The following VSTM1 variants were observed in gnomAD, a reference collection of about 807,000 sequenced individuals.
VSTM1 encodes the protein V-set and transmembrane domain-containing protein 1.
In VSTM1, 27 loss-of-function variants were observed where a neutral mutation model predicts 33.1. The observed-to-expected ratio is 0.82, with a 90% CI of 0.60 to 1.12. VSTM1 has a LOEUF of 1.12. Among genes scored for constraint, VSTM1 ranks in the 50% most tolerant of loss-of-function variants. VSTM1 has a pLI of 0.00. For missense variants in VSTM1, 304 were observed against 288.9 expected (o/e 1.05, Z -0.38); for synonymous variants, 115 against 110.3 (o/e 1.04, Z -0.27).
chr19:54,053,350 TA>T (rs1183896121), intron 3 of VSTM1, among the ~76,000 whole-genome samples: 2 of 142,358 alleles, frequency 1.4e-5, no homozygotes, highest in African/African-American at 2.6e-5. Flanking sequence ...TGCCTTTGTC[TA>T]ATCCCCTCAC....
chr19:54,042,837 T>TATATATATATATACAC (rs1320221580), intron 4 of VSTM1, among the ~76,000 whole-genome samples: 1 of 66,426 alleles, frequency 1.5e-5, no homozygotes, highest in Non-Finnish European at 3.1e-5. Context: ...TATATATATA[T>TATATATATATATACAC]ACATATATAT....
rs2146029934 is a variant in VSTM1 at position 54,042,316 on chromosome 19, A to G, written c.448T>C (p.Phe150Leu). 1 of 1,613,940 alleles carries G rather than the reference A, an allele frequency of 6.2e-7. No homozygotes were observed. Among genetic ancestry groups the G allele is most frequent in the East Asian group, 2.2e-5 (1 of 44,854 alleles). The change falls in exon 5 of 9, where the codon TTC becomes CTC. Residue 150 changes from phenylalanine (F) to leucine (L), a missense_variant. Coordinates refer to ENST00000338372, the MANE Select transcript of VSTM1 (RefSeq NM_198481.4). ...IFSCISILLL[F>L]LSVFIIYRCS... ...CTGTAGATGATGAAGACTGAGAGGA[A>G]GAGGAGAAGGATGGAGATGCAGCTG...
At chr19:54,042,806 GTATATATATATATATA>G (rs1203522841) in intron 4 of VSTM1, among the ~76,000 whole-genome samples, 17 of 57,938 alleles carry the variant, frequency 2.9e-4, no homozygotes, top group African/African-American at 4.1e-4. Flanking sequence ...ATATAAATGT[GTATATATATATATATA>G]TATATATATA....
intron 1 of VSTM1, 27 bp downstream of exon 1, chr19:54,063,717 C>A (rs750806194): frequency 9.3e-6 from 15 of 1,613,256 alleles, no homozygotes; most frequent in Non-Finnish European, 1.3e-5. Context: ...CAGCCCAAGC[C>A]CATTCGTCCC....
chr19:54,059,680 C>T (rs1303609182), intron 1 of VSTM1, among the ~76,000 whole-genome samples: 2 of 148,480 alleles, frequency 1.3e-5, no homozygotes, highest in Non-Finnish European at 3.0e-5. Flanking sequence ...CACCATGTTG[C>T]CCAGGCTGGT....
intron 1 of VSTM1, among the ~76,000 whole-genome samples, chr19:54,061,016 C>CT (rs10693760): frequency 0.027 from 3,126 of 115,026 alleles, 121 homozygotes; most frequent in African/African-American, 0.032. Context: ...TTTTTCTTTT[C>CT]TTTTTTTTTT....
Position 54,048,044 on chromosome 19 carries a change from G to A in VSTM1, c.394+3366C>T, listed in dbSNP as rs533237764. Among the ~76,000 whole-genome samples, 117 of 152,254 alleles carry A rather than the reference G, an allele frequency of 7.7e-4. No homozygotes were observed. The Middle Eastern group carries it at 0.014, about 18-fold the overall frequency. The stretch of plus-strand genomic sequence containing the variant: ...CTACATTGCGATTGAACATAGAGTC[G>A]TTTTCTAGTGTGTTTTAGGCATATA... On this transcript the variant is annotated intron_variant, in intron 4 of 8. Transcript: ENST00000338372.
rs911876758 is a variant in VSTM1 at position 54,054,336 on chromosome 19, C to T, written c.356-2888G>A. Reference sequence around the variant, plus strand: ...GCAGAAATTCTTAAGACTACAAGAACGAGTTATGGGGAATACAATTTGAAA... The same window carrying T: ...GCAGAAATTCTTAAGACTACAAGAATGAGTTATGGGGAATACAATTTGAAA... On this transcript the variant is annotated intron_variant, in intron 3 of 8. Coordinates refer to ENST00000338372, the MANE Select transcript of VSTM1 (RefSeq NM_198481.4). Among the ~76,000 whole-genome samples the T allele has an allele frequency of 2.8e-5, 4 of 142,136 alleles. 1 individual carries two copies. The East Asian group carries it at 7.9e-4, about 28-fold the overall frequency. The allele number at this position is 142,136 out of a possible 152,430, so 93.2% of individuals were successfully genotyped here.
At chr19:54,048,041 G>A (rs1420995101) in intron 4 of VSTM1, among the ~76,000 whole-genome samples, 1 of 152,190 alleles carries the variant, frequency 6.6e-6, no homozygotes, top group Non-Finnish European at 1.5e-5. Context: ...TGAACATAGA[G>A]TCGTTTTCTA....
chr19:54,061,894 G>A (rs1250529892), intron 1 of VSTM1, among the ~76,000 whole-genome samples: 3 of 152,082 alleles, frequency 2.0e-5, no homozygotes, highest in East Asian at 1.9e-4. Context: ...GCTGGCTCAC[G>A]CCTGTAATCT....
In VSTM1 at chr19:54,056,684, A is replaced by G. The variant is rs1455965165; in HGVS notation, c.355+1622T>C. ...GTAACAGACCATCTTTTCCATGGCA[A>G]TCATCACTTGGTCTGTCAGTCTTAC... On this transcript the variant is annotated intron_variant, in intron 3 of 8. Coordinates refer to ENST00000338372, the MANE Select transcript of VSTM1 (RefSeq NM_198481.4). 1.4e-5 allele frequency among the ~76,000 whole-genome samples: 2 copies of G among 139,530 alleles called. 1 individual carries two copies. The highest frequency in any genetic ancestry group is 3.1e-5 in the Non-Finnish European group (2 of 63,604). The allele number at this position is 139,530 out of a possible 152,430, so 91.5% of individuals were successfully genotyped here.
chr19:54,046,049 G>C (rs1269352432), intron 4 of VSTM1, among the ~76,000 whole-genome samples: 2 of 151,526 alleles, frequency 1.3e-5, no homozygotes, highest in Non-Finnish European at 2.9e-5. Context: ...CTAACCTGTT[G>C]TATCTAGTTA....
Position 54,041,509 on chromosome 19 carries a change from A to G in VSTM1, c.591+270T>C, listed in dbSNP as rs1459472988. 3.9e-5 allele frequency among the ~76,000 whole-genome samples: 6 copies of G among 151,970 alleles called. No individual in the cohort carries two copies. In the South Asian group the frequency reaches 6.2e-4, roughly 16 times the overall value. Reference sequence around the variant, plus strand: ...GTAGAGATGGGGTTTCACCATGTTAACCAGGATGGTCTCGATCTCCTGACC... The same window carrying G: ...GTAGAGATGGGGTTTCACCATGTTAGCCAGGATGGTCTCGATCTCCTGACC... On this transcript the variant is annotated intron_variant, in intron 8 of 8. Transcript: ENST00000338372.
At chr19:54,060,803 A>G (rs1184809732) in intron 1 of VSTM1, among the ~76,000 whole-genome samples, 1 of 151,720 alleles carries the variant, frequency 6.6e-6, no homozygotes, top group African/African-American at 2.4e-5. Flanking sequence ...TGATCCATCC[A>G]TCTCAGCCTC....
chr19:54,062,585 G>T (rs1471873381), intron 1 of VSTM1, among the ~76,000 whole-genome samples: 3 of 151,862 alleles, frequency 2.0e-5, no homozygotes, highest in Non-Finnish European at 1.5e-5. Context: ...TTAGCCAGGC[G>T]TGGTGGCGTG....
At chr19:54,062,316 A>G (rs1274088928) in intron 1 of VSTM1, among the ~76,000 whole-genome samples, 1 of 152,162 alleles carries the variant, frequency 6.6e-6, no homozygotes, top group Admixed American at 6.5e-5. Flanking sequence ...TTAAGCCACC[A>G]GGCTTGTAGT....
chr19:54,063,686 T>C (rs2146174531), intron 1 of VSTM1, 58 bp downstream of exon 1: 1 of 1,603,268 alleles, frequency 6.2e-7, no homozygotes. Flanking sequence ...GGACTGCCAC[T>C]CCCACATGAG....
rs200167475 is a variant in VSTM1, at chr19:54,051,463, G to A, written c.356-15C>T. The A allele has an allele frequency of 8.8e-6, 14 of 1,593,154 alleles. No individual in the cohort carries two copies. The highest frequency in any genetic ancestry group is 2.3e-5 in the East Asian group (1 of 44,034). ...ATCGTGTTTATCTAGAAAATAGGAG[G>A]GAAGAAAAGGAATTACACTAATCAT... On this transcript the variant is annotated splice_polypyrimidine_tract_variant and intron_variant, in intron 3 of 8. Transcript: ENST00000338372.
chr19:54,052,341 T>A (rs1156402605), intron 3 of VSTM1, among the ~76,000 whole-genome samples: 1 of 141,086 alleles, frequency 7.1e-6, no homozygotes, highest in Non-Finnish European at 1.6e-5. Context: ...GAGCTTGCAG[T>A]GAGCCGAGAT....
Sources: allele counts gnomAD v4.1 joint callset (sites outside exome capture counted in the v4.1 genomes callset), GRCh38; gene constraint gnomAD v4.1.1; transcripts MANE v1.5; gene names NCBI Gene and HGNC (gene_info 2026-07-23, HGNC 2026-07-21).